A1CF: variants seen among roughly 807,000 people sequenced by gnomAD.
The protein encoded by A1CF is APOBEC-1 stimulating protein.
A neutral mutation model predicts 68.9 loss-of-function variants in A1CF; 48 were observed. The ratio of observed to expected loss-of-function variants is 0.70; its 90% confidence interval spans 0.55 to 0.89. The LOEUF (loss-of-function observed/expected upper bound fraction) is 0.89, where lower values mean the gene tolerates loss of function less well. Ranked by LOEUF, A1CF falls within the 40% of genes least tolerant of loss-of-function variation. The pLI is 0.00. For missense variants in A1CF, 653 were observed against 718.9 expected, an observed-to-expected ratio of 0.91 and a Z score of 1.05; for synonymous variants, 272 against 260.4, an observed-to-expected ratio of 1.04 and a Z score of -0.43.
At chr10:50,849,720 A>G (rs1386189377) in intron 3 of A1CF, among the ~76,000 whole-genome samples, 1 of 151,946 alleles carries the variant, frequency 6.6e-6, no homozygotes, top group African/African-American at 2.4e-5. Context: ...TGGGTTTCTT[A>G]CATATGTGAG....
chr10:50,807,030 C>T (rs889933040), intron 12 of A1CF, 150 bp from the exon 13 acceptor site: 9 of 761,608 alleles, frequency 1.2e-5, no homozygotes, highest in Admixed American at 3.1e-5. Flanking sequence ...CTTAAGGACA[C>T]AATATGTGGA....
rs1837531638 is a variant in A1CF at position 50,799,889 on chromosome 10, T to C, written c.*6840A>G. 1 of 152,176 alleles carries C rather than the reference T, an allele frequency of 6.6e-6. No individual in the cohort carries two copies. Among genetic ancestry groups the C allele is most frequent in the East Asian group, 1.9e-4 (1 of 5,184 alleles). 9.4% of individuals were successfully genotyped at this position (152,176 alleles called of 1,614,324 possible). On this transcript the variant is annotated 3_prime_UTR_variant, in exon 13 of 13. Coordinates refer to ENST00000373997, the MANE Select transcript of A1CF (RefSeq NM_014576.4). ...AGAAAAGGAGAATTCTCTGAAGGAA[T>C]AAGAATAAAAATTCCAATGGTTACA...
In A1CF at chr10:50,806,601, G is replaced by A. The variant is rs907409347; in HGVS notation, c.*128C>T. 33 of 800,714 alleles carry A rather than the reference G, an allele frequency of 4.1e-5. No homozygotes were observed. Among genetic ancestry groups the A allele is most frequent in the Non-Finnish European group, 6.0e-5 (33 of 547,406 alleles). The allele number at this position is 800,714 out of a possible 1,614,324, so 49.6% of individuals were successfully genotyped here. A position where few individuals can be genotyped will look rare whatever the true frequency, so the allele number is the denominator to read the frequency against. On this transcript the variant is annotated 3_prime_UTR_variant, in exon 13 of 13. Transcript: ENST00000373997. The stretch of plus-strand genomic sequence containing the variant: ...TTCTATAATTGGTATAAGCTATACA[G>A]TCTCTGGAAAGGCATTTCTTTAGGA...
At chr10:50,809,164 A>C in intron 12 of A1CF, among the ~76,000 whole-genome samples, 1 of 152,124 alleles carries the variant, frequency 6.6e-6, no homozygotes, top group Non-Finnish European at 1.5e-5. Context: ...TTAAAATGTG[A>C]CCTCTGAAGG....
intron 3 of A1CF, among the ~76,000 whole-genome samples, chr10:50,856,509 G>T (rs10821888): frequency 0.45 from 68,724 of 151,846 alleles, 16,355 homozygotes; most frequent in Middle Eastern, 0.56. Flanking sequence ...ACAAAGTTTA[G>T]GTTCCAAAAA....
intron 1 of A1CF, among the ~76,000 whole-genome samples, chr10:50,875,241 A>T (rs533658426): frequency 6.6e-6 from 1 of 152,302 alleles, no homozygotes; most frequent in East Asian, 1.9e-4. Context: ...TAATGAGTAA[A>T]TGTTTTCCTA....
At chr10:50,841,763 C>CTT in intron 5 of A1CF, 99 bp downstream of exon 5, 1 of 1,403,312 alleles carries the variant, frequency 7.1e-7, no homozygotes, top group Non-Finnish European at 9.6e-7. Context: ...TCTGGCTTGG[C>CTT]TTTTTTTTTG....
At chr10:50,815,348 G>A (rs1838314297) in intron 9 of A1CF, among the ~76,000 whole-genome samples, 1 of 152,152 alleles carries the variant, frequency 6.6e-6, no homozygotes, top group Admixed American at 6.5e-5. Context: ...GGATTCAAAT[G>A]TGAAATATTT....
At chr10:50,864,780 G>T (rs1345300575) in intron 1 of A1CF, among the ~76,000 whole-genome samples, 5 of 151,918 alleles carry the variant, frequency 3.3e-5, no homozygotes, top group Admixed American at 3.3e-4. Flanking sequence ...CACTACGCCT[G>T]GCTAATTTTG....
intron 3 of A1CF, among the ~76,000 whole-genome samples, chr10:50,847,847 C>T (rs890554065): frequency 6.6e-6 from 1 of 152,120 alleles, no homozygotes; most frequent in African/African-American, 2.4e-5. Flanking sequence ...TGGCAGATAA[C>T]ATTTCCTTAT....
chr10:50,841,115 A>T (rs1839754552), intron 5 of A1CF, among the ~76,000 whole-genome samples: 1 of 152,210 alleles, frequency 6.6e-6, no homozygotes, highest in African/African-American at 2.4e-5. Context: ...ACAGCAGAGG[A>T]ATGTTTAAAA....
At chr10:50,874,797 C>T (rs1346905018) in intron 1 of A1CF, among the ~76,000 whole-genome samples, 1 of 152,074 alleles carries the variant, frequency 6.6e-6, no homozygotes, top group Admixed American at 6.6e-5. Flanking sequence ...ACTTAAGAAC[C>T]GCCGTAGCAG....
At chr10:50,822,522 TC>T (rs1838724909) in intron 7 of A1CF, among the ~76,000 whole-genome samples, 1 of 152,206 alleles carries the variant, frequency 6.6e-6, no homozygotes, top group African/African-American at 2.4e-5. Flanking sequence ...CTAAGAATTA[TC>T]TTCCTTTGGA....
chr10:50,883,498 A>G (rs1229300036), intron 1 of A1CF, among the ~76,000 whole-genome samples: 1 of 152,178 alleles, frequency 6.6e-6, no homozygotes, highest in African/African-American at 2.4e-5. Flanking sequence ...AGATAGGCAT[A>G]GTCCTATTTG....
intron 1 of A1CF, among the ~76,000 whole-genome samples, chr10:50,877,014 A>G (rs1841545573): frequency 6.6e-6 from 1 of 152,190 alleles, no homozygotes. Context: ...CTGTTGTGCT[A>G]TCTTTATTCA....
chr10:50,884,459 A>G (rs143061905), intron 1 of A1CF, among the ~76,000 whole-genome samples: 2 of 152,210 alleles, frequency 1.3e-5, no homozygotes, highest in Non-Finnish European at 2.9e-5. Flanking sequence ...GCAAAACCTT[A>G]CTGCTTTGAC....
chr10:50,878,529 G>C (rs919069679), intron 1 of A1CF, among the ~76,000 whole-genome samples: 1 of 152,206 alleles, frequency 6.6e-6, no homozygotes, highest in African/African-American at 2.4e-5. Flanking sequence ...TCCAGATCCA[G>C]AGCCTTCTGC....
chr10:50,854,477 T>C (rs185724005), intron 3 of A1CF, among the ~76,000 whole-genome samples: 7 of 152,128 alleles, frequency 4.6e-5, no homozygotes, highest in Admixed American at 6.6e-5. Context: ...TCTAAAAAAT[T>C]ATACATTTCA....
chr10:50,868,847 C>G (rs1189367446), intron 1 of A1CF, among the ~76,000 whole-genome samples: 1 of 152,068 alleles, frequency 6.6e-6, no homozygotes, highest in Non-Finnish European at 1.5e-5. Context: ...TAAATGTAAG[C>G]ATCTTTAAAA....
Sources: gnomAD v4.1 joint callset for allele counts (sites outside exome capture counted in the v4.1 genomes callset) on GRCh38, gnomAD v4.1.1 for gene constraint, MANE v1.5 for transcripts, NCBI Gene and HGNC (gene_info 2026-07-23, HGNC 2026-07-21) for gene names.